The following ENTREP2 variants were observed in gnomAD, a reference collection of about 807,000 sequenced individuals.
The protein encoded by ENTREP2 is protein ENTREP2.
At chr15:29,232,789 G>A in the ENTREP2 span, among the ~76,000 whole-genome samples, 9 of 152,190 alleles carry the variant, frequency 5.9e-5, no homozygotes, top group South Asian at 1.7e-3. Context: ...GATTACAGGC[G>A]GTGTGCCACC....
At chr15:29,477,070 T>C in the ENTREP2 span, among the ~76,000 whole-genome samples, 2 of 152,186 alleles carry the variant, frequency 1.3e-5, no homozygotes, top group East Asian at 1.9e-4. Context: ...GAGAGCACTC[T>C]ACAGCAATAA....
the ENTREP2 span, among the ~76,000 whole-genome samples, chr15:29,385,127 C>A: frequency 1.3e-5 from 2 of 152,260 alleles, no homozygotes; most frequent in East Asian, 3.9e-4. Flanking sequence ...TCAGATTGAA[C>A]GCCTTGACCT....
At chr15:29,637,298 C>T in the ENTREP2 span, among the ~76,000 whole-genome samples, 1 of 152,192 alleles carries the variant, frequency 6.6e-6, no homozygotes, top group Non-Finnish European at 1.5e-5. Flanking sequence ...GCAATGACCA[C>T]TTGGGTGATT....
chr15:29,659,054 T>C, the ENTREP2 span, among the ~76,000 whole-genome samples: 1 of 152,258 alleles, frequency 6.6e-6, no homozygotes, highest in Non-Finnish European at 1.5e-5. Flanking sequence ...AAAATCACAA[T>C]GAACCTGTCC....
At chr15:29,193,075 A>G in the ENTREP2 span, among the ~76,000 whole-genome samples, 2 of 152,226 alleles carry the variant, frequency 1.3e-5, no homozygotes, top group Non-Finnish European at 2.9e-5. Flanking sequence ...CACCATATCT[A>G]TTCAACACTC....
At chr15:29,625,717 A>C in the ENTREP2 span, among the ~76,000 whole-genome samples, 86 of 152,084 alleles carry the variant, frequency 5.7e-4, no homozygotes, top group Non-Finnish European at 1.1e-3. Flanking sequence ...TTTTTAAAGA[A>C]ACTTATTTTC....
the ENTREP2 span, among the ~76,000 whole-genome samples, chr15:29,295,296 T>C: frequency 6.6e-6 from 1 of 152,220 alleles, no homozygotes; most frequent in Non-Finnish European, 1.5e-5. Flanking sequence ...AGGAGTGGCA[T>C]GGCCTCAGGG....
the ENTREP2 span, among the ~76,000 whole-genome samples, chr15:29,605,179 C>T: frequency 6.6e-6 from 1 of 152,150 alleles, no homozygotes. Flanking sequence ...TGTGGTATGG[C>T]AAATGGCAAA....
chr15:29,169,322 A>G, the ENTREP2 span, among the ~76,000 whole-genome samples: 19 of 151,856 alleles, frequency 1.3e-4, no homozygotes, highest in African/African-American at 3.6e-4. Context: ...ACATTTTGGG[A>G]AAAAAAAGGC....
At chr15:29,328,334 T>C in the ENTREP2 span, among the ~76,000 whole-genome samples, 1 of 152,214 alleles carries the variant, frequency 6.6e-6, no homozygotes, top group Non-Finnish European at 1.5e-5. Context: ...ACTATTTTTA[T>C]GATATGTAAT....
the ENTREP2 span, among the ~76,000 whole-genome samples, chr15:29,312,955 G>A: frequency 1.2e-4 from 18 of 152,194 alleles, no homozygotes; most frequent in Non-Finnish European, 2.5e-4. Context: ...AAAAGTTCTC[G>A]AAGGAAATTA....
the ENTREP2 span, among the ~76,000 whole-genome samples, chr15:29,572,450 C>G: frequency 6.6e-6 from 1 of 152,092 alleles, no homozygotes; most frequent in African/African-American, 2.4e-5. Flanking sequence ...AAGTTATGTT[C>G]GCATTTGATC....
chr15:29,156,247 T>C, the ENTREP2 span, among the ~76,000 whole-genome samples: 1 of 152,062 alleles, frequency 6.6e-6, no homozygotes, highest in Non-Finnish European at 1.5e-5. Flanking sequence ...TGCAGTAGCG[T>C]GATCTTGGCT....
chr15:29,138,355 G>T, the ENTREP2 span, among the ~76,000 whole-genome samples: 19 of 152,192 alleles, frequency 1.2e-4, 1 homozygote, highest in East Asian at 1.7e-3. Context: ...CATCTCTGCT[G>T]CCCAGAGGTC....
chr15:29,503,589 T>A, the ENTREP2 span, among the ~76,000 whole-genome samples: 1 of 152,190 alleles, frequency 6.6e-6, no homozygotes, highest in African/African-American at 2.4e-5. Flanking sequence ...TTGCATGTTA[T>A]GTGAATAATA....
At chr15:29,343,106 C>A in the ENTREP2 span, among the ~76,000 whole-genome samples, 3 of 150,894 alleles carry the variant, frequency 2.0e-5, no homozygotes, top group Non-Finnish European at 4.4e-5. Context: ...GGTACATATT[C>A]TACCCCTTTT....
At chr15:29,184,480 G>A in the ENTREP2 span, among the ~76,000 whole-genome samples, 5 of 152,178 alleles carry the variant, frequency 3.3e-5, no homozygotes, top group Admixed American at 6.5e-5. Context: ...AGTGGAGGAA[G>A]CAATGGATCT....
At chr15:29,123,374 C>T in the ENTREP2 span, 1 of 1,543,496 alleles carries the variant, frequency 6.5e-7, no homozygotes, top group Non-Finnish European at 8.8e-7. Flanking sequence ...CCGAAGACGG[C>T]CTCCTCCTCG....
the ENTREP2 span, among the ~76,000 whole-genome samples, chr15:29,489,834 C>T: frequency 2.0e-5 from 3 of 152,148 alleles, no homozygotes; most frequent in African/African-American, 4.8e-5. Context: ...GCCATGACGG[C>T]GCAGTTCTTC....
Sources: gnomAD v4.1 joint callset for allele counts (sites outside exome capture counted in the v4.1 genomes callset) on GRCh38, gnomAD v4.1.1 for gene constraint, MANE v1.5 for transcripts, NCBI Gene and HGNC (gene_info 2026-07-23, HGNC 2026-07-21) for gene names.